The following HEXB variants were observed in gnomAD, a reference collection of about 807,000 sequenced individuals.
HEXB encodes the protein hexosaminidase subunit beta, also known as beta-hexosaminidase subunit beta.
Under a neutral mutation model 71.2 loss-of-function variants are expected in HEXB, and 51 were observed. The ratio of observed to expected loss-of-function variants is 0.72; its 90% CI spans 0.57 to 0.90. The LOEUF is 0.90. Among genes scored for constraint, HEXB ranks in the 40% least tolerant of loss-of-function variants. The pLI, the probability that HEXB is intolerant of heterozygous loss-of-function variation, is 0.00. For synonymous variants in HEXB, 266 were observed against 249.3 expected, an observed-to-expected ratio of 1.07 and a Z score of -0.63; for missense variants, 617 against 677.0, an observed-to-expected ratio of 0.91 and a Z score of 0.98.
At chr5:74,695,418 T>G (rs111863928) in intron 3 of HEXB, among the ~76,000 whole-genome samples, 2,933 of 151,238 alleles carry the variant, frequency 0.019, 91 homozygotes, top group African/African-American at 0.067. Context: ...TTAGCCAGGA[T>G]GGTCTCGATC....
At chr5:74,706,462 C>T (rs996693461) in intron 6 of HEXB, among the ~76,000 whole-genome samples, 2 of 152,302 alleles carry the variant, frequency 1.3e-5, no homozygotes, top group South Asian at 4.1e-4. Context: ...GTGGGTGCAG[C>T]GCATCATGCG....
At chr5:74,698,377 A>AATT (rs1053480073) in intron 5 of HEXB, among the ~76,000 whole-genome samples, 3 of 149,844 alleles carry the variant, frequency 2.0e-5, no homozygotes, top group Non-Finnish European at 4.4e-5. Flanking sequence ...CCCAGCCAAA[A>AATT]ATTATTATTA....
chr5:74,674,213 G>A (rs1488825806), intron 1 of HEXB, among the ~76,000 whole-genome samples: 1 of 152,194 alleles, frequency 6.6e-6, no homozygotes, highest in Non-Finnish European at 1.5e-5. Flanking sequence ...AACAGAGGGT[G>A]TAATAATCAT....
At chr5:74,654,114 C>T (rs1420575477) in intron 1 of HEXB, among the ~76,000 whole-genome samples, 1 of 152,096 alleles carries the variant, frequency 6.6e-6, no homozygotes, top group African/African-American at 2.4e-5. Context: ...CTTGTGGACC[C>T]AGGTGTAGCC....
intron 1 of HEXB, among the ~76,000 whole-genome samples, chr5:74,645,215 G>A (rs183627747): frequency 6.6e-6 from 1 of 151,188 alleles, no homozygotes; most frequent in Admixed American, 6.6e-5. Context: ...GTTTTTAGAG[G>A]TGAGCCCGTG....
chr5:74,681,339 AAAC>A (rs1165269421), upstream of HEXB, among the ~76,000 whole-genome samples: 1 of 152,150 alleles, frequency 6.6e-6, no homozygotes, highest in Non-Finnish European at 1.5e-5. Context: ...AGTTGCTACT[AAAC>A]ATCACGTAAT....
intron 11 of HEXB, 89 bp from the exon 12 acceptor site, chr5:74,720,339 A>AT: frequency 1.0e-6 from 1 of 994,462 alleles, no homozygotes; most frequent in African/African-American, 1.6e-5. Flanking sequence ...TTGCCCTAGG[A>AT]TAAAGATGGA....
Position 74,676,881 on chromosome 5 carries a change from T to G in HEXB, c.-376-12447T>G, listed in dbSNP as rs1287054727. 3.3e-5 allele frequency among the ~76,000 whole-genome samples: 5 copies of G among 152,162 alleles called. No individual in the cohort carries two copies. The East Asian group carries it at 9.6e-4, about 29-fold the overall frequency. Reference sequence around the variant, plus strand: ...GGCTATACATTGTTCTCTGGTTTTTTGTTTGTTTTGTTTTGTTTTGTTTGA... The same window carrying G: ...GGCTATACATTGTTCTCTGGTTTTTGGTTTGTTTTGTTTTGTTTTGTTTGA... On this transcript the variant is annotated intron_variant, in intron 1 of 13. Transcript: ENST00000511181.
intron 4 of HEXB, 50 bp from the exon 5 acceptor site, chr5:74,696,946 C>A: frequency 1.0e-6 from 1 of 1,001,404 alleles, no homozygotes; most frequent in Non-Finnish European, 1.6e-6. Flanking sequence ...TCATTGAGTT[C>A]AAGACAACAG....
chr5:74,651,045 A>G (rs1561200778), intron 1 of HEXB, among the ~76,000 whole-genome samples: 1 of 152,098 alleles, frequency 6.6e-6, no homozygotes, highest in Non-Finnish European at 1.5e-5. Flanking sequence ...GATAATTTTC[A>G]TAAAGCAAGT....
Position 74,718,934 on chromosome 5 carries a change from G to A in HEXB, c.1380G>A (p.Trp460Ter). Residue 460 changes from tryptophan (W) to a stop codon, truncating the protein, a stop_gained, in exon 11 of 14, where the codon TGG becomes TGA. Transcript: ENST00000261416. LOFTEE classifies it high-confidence loss of function. The part of the protein sequence containing the change: ...YLDLISYGQD[W>*]RKYYKVEPLD... Reference sequence around the variant, plus strand: ...ATTTGATTAGCTATGGACAAGATTGGAGGAAATACTATAAAGTGGAACCTC... The same window carrying A: ...ATTTGATTAGCTATGGACAAGATTGAAGGAAATACTATAAAGTGGAACCTC... 3 of 1,614,120 alleles carry A rather than the reference G, an allele frequency of 1.9e-6. No homozygotes were observed. The highest frequency in any genetic ancestry group is 2.5e-6 in the Non-Finnish European group (3 of 1,180,012).
intron 1 of HEXB, among the ~76,000 whole-genome samples, chr5:74,687,482 T>C (rs1748900567): frequency 6.6e-6 from 1 of 152,206 alleles, no homozygotes; most frequent in South Asian, 2.1e-4. Context: ...GTTCATCACA[T>C]GCTAGTCACT....
intron 6 of HEXB, among the ~76,000 whole-genome samples, chr5:74,708,705 A>G (rs1749465869): frequency 6.6e-6 from 1 of 151,948 alleles, no homozygotes; most frequent in South Asian, 2.1e-4. Context: ...AGGCCATTAC[A>G]TAATGGTAAA....
rs1316821119 is a variant in HEXB at position 74,710,966 on chromosome 5, C to T, written c.772-2540C>T. Among the ~76,000 whole-genome samples the T allele has an allele frequency of 1.4e-3, 214 of 151,888 alleles. 1 individual carries two copies. Among genetic ancestry groups the T allele is most frequent in the African/African-American group, 5.0e-3 (208 of 41,352 alleles). On this transcript the variant is annotated intron_variant, in intron 6 of 13. Transcript: ENST00000261416. The stretch of plus-strand genomic sequence containing the variant: ...GTTCATATGGAACCAAAAAAGAGCC[C>T]ACATTACCAAGTCAATCCTAAGCCA...
At chr5:74,703,044 C>G (rs182721067) in intron 5 of HEXB, among the ~76,000 whole-genome samples, 31 of 152,304 alleles carry the variant, frequency 2.0e-4, no homozygotes, top group Admixed American at 1.3e-3. Context: ...CCTCTGCCTC[C>G]CAGGTTCAAG....
chr5:74,689,616 T>G, intron 2 of HEXB, 143 bp downstream of exon 2: 1 of 768,488 alleles, frequency 1.3e-6, no homozygotes, highest in Non-Finnish European at 2.3e-6. Context: ...ACCTTTAAAG[T>G]CTGATTATAA....
chr5:74,655,891 G>T (rs1300323543), intron 1 of HEXB, among the ~76,000 whole-genome samples: 1 of 152,114 alleles, frequency 6.6e-6, no homozygotes, highest in Non-Finnish European at 1.5e-5. Flanking sequence ...GCTGTCAGTA[G>T]CAAATTTGAG....
At chr5:74,643,377 C>A (rs1485773454) in intron 1 of HEXB, among the ~76,000 whole-genome samples, 1 of 152,176 alleles carries the variant, frequency 6.6e-6, no homozygotes, top group Non-Finnish European at 1.5e-5. Flanking sequence ...CTAAACAGGG[C>A]TGTCATCAAA....
intron 5 of HEXB, among the ~76,000 whole-genome samples, chr5:74,698,664 A>T (rs1006577877): frequency 3.3e-5 from 5 of 150,912 alleles, no homozygotes; most frequent in African/African-American, 1.2e-4. Context: ...TGCTGGGATT[A>T]CAGGTGTGAG....
Sources: allele counts gnomAD v4.1 joint callset (sites outside exome capture counted in the v4.1 genomes callset), GRCh38; gene constraint gnomAD v4.1.1; transcripts MANE v1.5; gene names NCBI Gene and HGNC (gene_info 2026-07-23, HGNC 2026-07-21).